ASB8: variants seen among roughly 807,000 people sequenced by gnomAD.
ASB8 encodes ankyrin repeat and SOCS box protein 8.
Under a neutral mutation model 22.9 loss-of-function variants are expected in ASB8, and 15 were observed. The ratio of observed to expected loss-of-function variants is 0.66; its 90% confidence interval spans 0.44 to 1.01. ASB8 has a LOEUF of 1.01. Among genes scored for constraint, ASB8 ranks in the 50% least tolerant of loss-of-function variants. ASB8 has a pLI of 0.00. For synonymous variants in ASB8, 124 were observed against 140.8 expected (o/e 0.88, Z 0.84); for missense variants, 294 against 356.9 (o/e 0.82, Z 1.42).
At chr12:48,150,256 T>C (rs1179857999) in intron 3 of ASB8, 7 of 695,228 alleles carry the variant, frequency 1.0e-5, no homozygotes, top group Non-Finnish European at 1.6e-5. Context: ...ATTTTGGTTT[T>C]TGCTGCAATG....
chr12:48,150,635 C>G (rs1403126130), intron 3 of ASB8, among the ~76,000 whole-genome samples: 2 of 152,148 alleles, frequency 1.3e-5, no homozygotes, highest in Non-Finnish European at 2.9e-5. Context: ...TCAGCATCAC[C>G]TGTAGTTTTT....
chr12:48,154,349 T>C (rs918906260), intron 1 of ASB8, among the ~76,000 whole-genome samples: 5 of 151,222 alleles, frequency 3.3e-5, no homozygotes, highest in African/African-American at 4.9e-5. Context: ...GACGTGGTGG[T>C]GGGCGCCTGT....
chr12:48,154,722 G>A (rs1292059672), intron 1 of ASB8, among the ~76,000 whole-genome samples: 1 of 152,170 alleles, frequency 6.6e-6, no homozygotes, highest in Non-Finnish European at 1.5e-5. Context: ...TGGATCACCT[G>A]AGGTCAGGAG....
In ASB8 at chr12:48,153,434, G is replaced by A. The variant is rs2136080038; in HGVS notation, c.63C>T (p.Arg21=). ...SIQSKYSLSE[R]LIRTIAAIRS... is the part of the protein sequence containing the mutation. ...GGATGGCAGCAATTGTTCGGATTAA[G>A]CGCTCGGAGAGAGAGTATTTGCTCT... is the stretch of plus-strand genomic sequence containing the variant. The change falls in exon 2 of 4, where the codon CGC becomes CGT. Residue 21 remains arginine (R), a synonymous_variant. Transcript: ENST00000317697. The A allele has an allele frequency of 1.2e-6, 2 of 1,613,740 alleles. No individual in the cohort carries two copies. The highest frequency in any genetic ancestry group is 4.5e-5 in the East Asian group (2 of 44,872).
Position 48,153,487 on chromosome 12 carries a change from T to A in ASB8, c.10A>T (p.Ser4Cys), listed in dbSNP as rs199904430. Residue 4 changes from serine (S) to cysteine (C), a missense_variant, in exon 2 of 4, where the codon AGT (serine) becomes TGT (cysteine). Physicochemically the swap from Ser to Cys is moderately radical, Grantham distance 112. Coordinates refer to ENST00000317697, the MANE Select transcript of ASB8 (RefSeq NM_024095.5). ...ATGCTCTGCATAATATACCACATAC[T>A]GGAACTCATCAAGGCTCAAGGTGTT... The part of the protein sequence containing the change: MSS[S>C]MWYIMQSIQS... The A allele has an allele frequency of 1.1e-5, 17 of 1,613,886 alleles. 1 individual carries two copies. The Admixed American group carries it at 2.7e-4, about 25-fold the overall frequency.
rs755367848 is a variant in ASB8, at chr12:48,149,365, G to A, written c.*1C>T. The A allele has an allele frequency of 1.2e-6, 2 of 1,612,004 alleles. No individual in the cohort carries two copies. The highest frequency in any genetic ancestry group is 1.7e-5 in the Admixed American group (1 of 59,922). On this transcript the variant is annotated 3_prime_UTR_variant, in exon 4 of 4. Transcript: ENST00000317697. ...CACGATGGTGCAAACATCTTCTCCG[G>A]CTATTCTAAAAGTAACAGGTATTCC...
intron 3 of ASB8, 180 bp downstream of exon 3, chr12:48,151,021 T>G (rs1334231471): frequency 9.7e-6 from 6 of 620,998 alleles, no homozygotes; most frequent in Non-Finnish European, 1.7e-5. Context: ...ATGAAATCCT[T>G]AGATCATTTT....
chr12:48,156,232 A>G (rs1268142429), intron 1 of ASB8, among the ~76,000 whole-genome samples: 5 of 152,186 alleles, frequency 3.3e-5, no homozygotes, highest in Non-Finnish European at 7.3e-5. Flanking sequence ...AATTCAAATT[A>G]GGTATTTTTC....
At chr12:48,151,641 A>G (rs753862320) in intron 2 of ASB8, 10 of 1,375,828 alleles carry the variant, frequency 7.3e-6, no homozygotes, top group South Asian at 6.1e-5. Context: ...TGGACCAGCA[A>G]TCCACTTTCT....
chr12:48,151,565 C>T (rs1254408359), intron 2 of ASB8: 1 of 1,475,784 alleles, frequency 6.8e-7, no homozygotes, highest in East Asian at 2.7e-5. Context: ...AGATGGTCAC[C>T]TGGACATCAC....
chr12:48,153,438 T>G lies in ASB8; in HGVS notation c.59A>C (p.Glu20Ala), dbSNP rs1337790688. 3 of 1,613,576 alleles carry G rather than the reference T, an allele frequency of 1.9e-6. No individual in the cohort carries two copies. In the African/African-American group the frequency reaches 4.0e-5, roughly 22 times the overall value. The change falls in exon 2 of 4, where the codon GAG (glutamate) becomes GCG (alanine). Residue 20 changes from glutamate (E) to alanine (A), a missense_variant. Transcript: ENST00000317697. Reference sequence around the variant, plus strand: ...GGCAGCAATTGTTCGGATTAAGCGCTCGGAGAGAGAGTATTTGCTCTGAAT... The same window carrying G: ...GGCAGCAATTGTTCGGATTAAGCGCGCGGAGAGAGAGTATTTGCTCTGAAT... Reference protein sequence around the residue: ...QSIQSKYSLSERLIRTIAAIR... With the variant: ...QSIQSKYSLSARLIRTIAAIR...
intron 3 of ASB8, chr12:48,150,989 G>C: frequency 1.6e-6 from 1 of 606,484 alleles, no homozygotes; most frequent in Non-Finnish European, 2.9e-6. Flanking sequence ...GGCAAGCAGG[G>C]TGGGGACAGA....
Position 48,149,478 on chromosome 12 carries a change from GT to G in ASB8, c.754del (p.Thr252HisfsTer20), listed in dbSNP as rs745592038. 1.9e-6 allele frequency: 3 copies of G among 1,614,120 alleles called. No individual in the cohort carries two copies. Among genetic ancestry groups the G allele is most frequent in the Non-Finnish European group, 2.5e-6 (3 of 1,179,972 alleles). On this transcript the variant is annotated frameshift_variant, in exon 4 of 4. Transcript: ENST00000317697. LOFTEE classifies it high-confidence loss of function. ...ACGGCGCACGGCATAGCGAGCGAGT[GT>G]TTTTAGAGTTCCTGGAGCTGAGCAC... is the stretch of plus-strand genomic sequence containing the variant. ...VLCSAPGTLK[T>X]LARYAVRRSL...
At chr12:48,153,231 G>T in intron 2 of ASB8, 137 bp downstream of exon 2, 1 of 1,009,512 alleles carries the variant, frequency 9.9e-7, no homozygotes, top group Non-Finnish European at 1.5e-6. Context: ...ACATTTTAAT[G>T]ATCAAGTTAA....
At position 48,155,430 on chromosome 12, in the gene ASB8, A is replaced by G. The variant is rs367885975; in HGVS notation, c.-33-1901T>C. On this transcript the variant is annotated intron_variant, in intron 1 of 3. Transcript: ENST00000317697. ...AATTGTTTTGGTCATTTAATAATAT[A>G]TAATGTTTTGGCGGGGCGCGATGGC... Among the ~76,000 whole-genome samples, 9 of 152,278 alleles carry G rather than the reference A, an allele frequency of 5.9e-5. No homozygotes were observed. In the East Asian group the frequency reaches 9.7e-4, roughly 16 times the overall value.
chr12:48,152,493 A>C (rs1321624032), intron 2 of ASB8, among the ~76,000 whole-genome samples: 1 of 152,240 alleles, frequency 6.6e-6, no homozygotes, highest in Non-Finnish European at 1.5e-5. Context: ...CTTCTAGGAT[A>C]CTAGTCACAT....
intron 1 of ASB8, chr12:48,157,135 G>GC (rs1951319739): frequency 6.6e-6 from 1 of 152,366 alleles, no homozygotes; most frequent in African/African-American, 2.4e-5. Context: ...CTGCGGGAGG[G>GC]CCCGCGGCAG....
Position 48,149,816 on chromosome 12 carries a change from C to T in ASB8, c.417G>A (p.Glu139=). ...NNAECVRALL[E]SGASVNALDY... is the part of the protein sequence containing the mutation. ...CCAGGGCATTGACAGAGGCCCCGCTCTCTAGGAGAGCCCGCACACACTCAG... is the reference window on the plus strand; with the variant it reads ...CCAGGGCATTGACAGAGGCCCCGCTTTCTAGGAGAGCCCGCACACACTCAG... The change falls in exon 4 of 4, where the codon GAG becomes GAA. Residue 139 remains glutamate, a synonymous_variant. Transcript: ENST00000317697. 1.2e-6 allele frequency: 2 copies of T among 1,614,172 alleles called. No individual in the cohort carries two copies. Among genetic ancestry groups the T allele is most frequent in the South Asian group, 2.2e-5 (2 of 91,086 alleles).
intron 3 of ASB8, among the ~76,000 whole-genome samples, chr12:48,150,697 A>G (rs188365028): frequency 2.6e-5 from 4 of 152,248 alleles, no homozygotes; most frequent in African/African-American, 9.6e-5. Context: ...GACAAAAACA[A>G]AAAAAAACCC....
Sources: allele counts gnomAD v4.1 joint callset (sites outside exome capture counted in the v4.1 genomes callset), GRCh38; gene constraint gnomAD v4.1.1; transcripts MANE v1.5; gene names NCBI Gene and HGNC (gene_info 2026-07-23, HGNC 2026-07-21).